Variants in PCDHGA4 observed in about 807,000 individuals in gnomAD.
The protein encoded by PCDHGA4 is protocadherin gamma subfamily A, 4.
A neutral mutation model predicts 54.6 loss-of-function variants in PCDHGA4; 38 were observed. That is an observed-to-expected ratio of 0.70 (90% CI 0.54 to 0.91). PCDHGA4 has a LOEUF of 0.91. PCDHGA4 is among the 40% of genes least tolerant of loss of function. PCDHGA4 has a pLI of 0.00. For synonymous variants in PCDHGA4, 511 were observed against 512.9 expected (o/e 1.00, Z 0.05); for missense variants, 1,298 against 1,220.9 (o/e 1.06, Z -0.94).
At chr5:141,424,720 G>A (rs530298674) in intron 1 of PCDHGA4, 4 of 152,090 alleles carry the variant, frequency 2.6e-5, no homozygotes, top group Non-Finnish European at 4.4e-5. Flanking sequence ...GTGTAGTTGG[G>A]AGTCATAGAT....
At chr5:141,390,859 T>C (rs951468573) in intron 1 of PCDHGA4, 3 of 151,114 alleles carry the variant, frequency 2.0e-5, no homozygotes, top group Admixed American at 1.3e-4. Flanking sequence ...CAGTGTACGC[T>C]GTGTGTGCGT....
At chr5:141,408,815 C>T (rs770899981) in intron 1 of PCDHGA4, 1 of 1,613,406 alleles carries the variant, frequency 6.2e-7, no homozygotes, top group Non-Finnish European at 8.5e-7. Flanking sequence ...CCGGGAAGAA[C>T]AGAGATCTCA....
At chr5:141,478,904 T>G in intron 1 of PCDHGA4, 1 of 958,800 alleles carries the variant, frequency 1.0e-6, no homozygotes, top group Non-Finnish European at 1.5e-6. Context: ...AGGAATAAGC[T>G]GCTGGATACC....
chr5:141,510,802 C>T (rs1358684730), intron 3 of PCDHGA4, 145 bp from the exon 4 acceptor site: 1 of 1,497,192 alleles, frequency 6.7e-7, no homozygotes, highest in African/African-American at 1.4e-5. Context: ...AGAGAGACTA[C>T]CTTGGTGACC....
At chr5:141,459,215 G>C (rs2098963353) in intron 1 of PCDHGA4, among the ~76,000 whole-genome samples, 1 of 152,112 alleles carries the variant, frequency 6.6e-6, no homozygotes, top group South Asian at 2.1e-4. Flanking sequence ...TACTTCTCCA[G>C]CTCCAGGCAA....
chr5:141,402,799 C>A (rs1248030162), intron 1 of PCDHGA4: 2 of 1,061,840 alleles, frequency 1.9e-6, no homozygotes, highest in Non-Finnish European at 2.6e-6. Flanking sequence ...TACACAAAAC[C>A]CGGCAGATAC....
chr5:141,430,615 A>G, intron 1 of PCDHGA4: 1 of 686,990 alleles, frequency 1.5e-6, no homozygotes, highest in Non-Finnish European at 2.2e-6. Context: ...CAAAGCAGAT[A>G]GCTAGGAATG....
intron 1 of PCDHGA4, chr5:141,374,635 C>A (rs759050511): frequency 3.7e-6 from 6 of 1,612,926 alleles, no homozygotes; most frequent in Non-Finnish European, 4.2e-6. Flanking sequence ...ACGTGCAAAG[C>A]GAAGCCCATG....
intron 1 of PCDHGA4, chr5:141,409,128 T>C (rs755394129): frequency 6.2e-6 from 10 of 1,613,976 alleles, no homozygotes; most frequent in South Asian, 1.1e-5. Flanking sequence ...TCATTTGATT[T>C]TGAAGATGTA....
In PCDHGA4 at chr5:141,511,236, C is replaced by T; in HGVS notation, c.*63C>T. 4 of 1,591,606 alleles carry T rather than the reference C, an allele frequency of 2.5e-6. No individual in the cohort carries two copies. Among genetic ancestry groups the T allele is most frequent in the Admixed American group, 3.6e-5 (2 of 56,022 alleles). ...CCCAACCAGCCCAGCTTCTCCTTAC[C>T]TGCACCCAGGCCTCAGAGTTTCAGG... On this transcript the variant is annotated 3_prime_UTR_variant, in exon 4 of 4. Transcript: ENST00000571252.
rs372648693 is a variant in PCDHGA4, at chr5:141,417,997, G to A, written c.2514+60376G>A. 244 of 1,613,872 alleles carry A rather than the reference G, an allele frequency of 1.5e-4. No homozygotes were observed. The Middle Eastern group carries it at 3.5e-3, about 23-fold the overall frequency. On this transcript the variant is annotated intron_variant, in intron 1 of 3. Transcript: ENST00000571252. ...CGGAGGAGCTGGCCAAGGGCTCGGT[G>A]GTGGGGAACCTCGCTAAGGATCTAG...
intron 1 of PCDHGA4, chr5:141,404,217 T>C (rs1188874623): frequency 6.2e-7 from 1 of 1,613,588 alleles, no homozygotes; most frequent in Non-Finnish European, 8.5e-7. Context: ...AATATCACGG[T>C]GACTGCAACA....
At chr5:141,372,684 G>T in intron 1 of PCDHGA4, 10 of 1,613,968 alleles carry the variant, frequency 6.2e-6, no homozygotes, top group Non-Finnish European at 8.5e-6. Context: ...CTCAAACACC[G>T]AGTTTAAATT....
intron 1 of PCDHGA4, chr5:141,392,761 A>G (rs1341541753): frequency 1.6e-5 from 24 of 1,476,812 alleles, no homozygotes; most frequent in Non-Finnish European, 2.1e-5. Flanking sequence ...AAACTAAATA[A>G]GACCCATTTA....
At chr5:141,360,740 G>C (rs1761724745) in intron 1 of PCDHGA4, 1 of 1,613,842 alleles carries the variant, frequency 6.2e-7, no homozygotes, top group Admixed American at 1.7e-5. Context: ...TCTCTGGACA[G>C]AGAAGAGCAC....
At position 141,477,961 on chromosome 5, in the gene PCDHGA4, C is replaced by G. The variant is rs199947431; in HGVS notation, c.2515-16846C>G. On this transcript the variant is annotated intron_variant, in intron 1 of 3. Transcript: ENST00000571252. The surrounding 1 kb of genome is among the most constrained non-coding windows in gnomAD (Gnocchi z 4.9). ...CCTACAGTCTCTTGGGATCCCCTAA[C>G]CAGAGCCTTTTTGCCATAGGGCTGC... 10 of 1,614,166 alleles carry G rather than the reference C, an allele frequency of 6.2e-6. No individual in the cohort carries two copies. Among genetic ancestry groups the G allele is most frequent in the Middle Eastern group, 3.3e-4 (2 of 6,062 alleles).
chr5:141,481,288 A>AGTC (rs2099535099), intron 1 of PCDHGA4, among the ~76,000 whole-genome samples: 1 of 152,188 alleles, frequency 6.6e-6, no homozygotes, highest in Admixed American at 6.5e-5. Flanking sequence ...ATGGTATTTC[A>AGTC]GTCATCTAAG....
At chr5:141,436,324 G>A (rs972756085) in intron 1 of PCDHGA4, among the ~76,000 whole-genome samples, 10 of 152,134 alleles carry the variant, frequency 6.6e-5, no homozygotes, top group African/African-American at 2.4e-4. Flanking sequence ...AAGACTGTTA[G>A]ACCATATCTC....
intron 1 of PCDHGA4, chr5:141,410,123 C>A: frequency 1.2e-6 from 2 of 1,612,780 alleles, no homozygotes; most frequent in Non-Finnish European, 1.7e-6. Flanking sequence ...AGCCCGCCAG[C>A]GCCTGCTGGT....
Sources: allele counts gnomAD v4.1 joint callset (sites outside exome capture counted in the v4.1 genomes callset), GRCh38; gene constraint gnomAD v4.1.1; non-coding constraint Gnocchi (gnomAD v3.1); transcripts MANE v1.5; gene names NCBI Gene and HGNC (gene_info 2026-07-23, HGNC 2026-07-21).